OR3A2: variants seen among roughly 807,000 people sequenced by gnomAD.
OR3A2 encodes the protein olfactory receptor 3A2.
For synonymous variants in OR3A2, 126 were observed against 159.3 expected, an observed-to-expected ratio of 0.79 and a Z score of 1.57; for missense variants, 318 against 392.8, an observed-to-expected ratio of 0.81 and a Z score of 1.61.
chr17:3,327,422 A>T, intron 3 of OR3A2, among the ~76,000 whole-genome samples: 1 of 112,344 alleles, frequency 8.9e-6, no homozygotes, highest in African/African-American at 4.0e-5. Flanking sequence ...TTTCTTGTAA[A>T]TTAGTTTGAG....
At chr17:3,326,120 T>G (rs1297371688) in intron 3 of OR3A2, among the ~76,000 whole-genome samples, 1 of 152,158 alleles carries the variant, frequency 6.6e-6, no homozygotes, top group Non-Finnish European at 1.5e-5. Context: ...GGACAGGATC[T>G]CATTCATTTC....
rs537299291 is a variant in OR3A2 at position 3,334,816 on chromosome 17, G to A, written c.-85+1217C>T. On this transcript the variant is annotated intron_variant, in intron 3 of 4. Coordinates refer to the OR3A2 transcript ENST00000573491. Reference sequence around the variant, plus strand: ...GTGTCATAGGCTTTTAAAAATTAGAGTTTCTGCCTTTTTAATAAGTCTAAT... The same window carrying A: ...GTGTCATAGGCTTTTAAAAATTAGAATTTCTGCCTTTTTAATAAGTCTAAT... 7.2e-5 allele frequency among the ~76,000 whole-genome samples: 11 copies of A among 152,284 alleles called. No homozygotes were observed. In the South Asian group the frequency reaches 2.3e-3, roughly 32 times the overall value.
At position 3,354,156 on chromosome 17, in the gene OR3A2, G is replaced by A. The variant is rs550716547; in HGVS notation, c.-178-18030C>T. On this transcript the variant is annotated intron_variant, in intron 2 of 4. Coordinates refer to the OR3A2 transcript ENST00000573491. Reference sequence around the variant, plus strand: ...TGTAGTTGTTGTTGTTGTTTTTAATGTGTCTGTGTCTGTTTTTGGTATCAG... The same window carrying A: ...TGTAGTTGTTGTTGTTGTTTTTAATATGTCTGTGTCTGTTTTTGGTATCAG... Among the ~76,000 whole-genome samples the A allele has an allele frequency of 2.0e-4, 31 of 151,680 alleles. No homozygotes were observed. The South Asian group carries it at 6.4e-3, about 31-fold the overall frequency.
Position 3,292,140 on chromosome 17 carries a change from A to G in OR3A2, c.-84-12987T>C, listed in dbSNP as rs781208430. The G allele has an allele frequency of 6.8e-6, 11 of 1,614,168 alleles. No homozygotes were observed. The highest frequency in any genetic ancestry group is 1.7e-4 in the Middle Eastern group (1 of 6,060). ...GAAAGCACAAGCCCAGGACGCAGCC[A>G]CCAACATCCTCTGGACTGTCTGACT... On this transcript the variant is annotated intron_variant, in intron 3 of 4. Transcript: ENST00000573491.
chr17:3,281,296 C>T (rs1037973979), intron 1 of OR3A2, among the ~76,000 whole-genome samples: 9 of 150,624 alleles, frequency 6.0e-5, no homozygotes, highest in Admixed American at 1.3e-4. Context: ...TGCAGTGGCA[C>T]GATCTCGGCT....
At position 3,296,340 on chromosome 17, in the gene OR3A2, G is replaced by A. The variant is rs189481322; in HGVS notation, c.-84-17187C>T. Among the ~76,000 whole-genome samples, 47 of 152,206 alleles carry A rather than the reference G, an allele frequency of 3.1e-4. 1 individual carries two copies. Among genetic ancestry groups the A allele is most frequent in the Admixed American group, 2.5e-3 (38 of 15,286 alleles). On this transcript the variant is annotated intron_variant, in intron 3 of 4. Coordinates refer to the OR3A2 transcript ENST00000573491. ...ATTTTAAAAAATGGATTAAATCAGT[G>A]TTCAGAAAAGAATTCGTAGCCTTAA...
chr17:3,330,804 T>C (rs1333955715), intron 3 of OR3A2, among the ~76,000 whole-genome samples: 1 of 152,120 alleles, frequency 6.6e-6, no homozygotes, highest in Non-Finnish European at 1.5e-5. Context: ...TTTCTTCCTA[T>C]TCTCGATGGT....
At chr17:3,292,756 G>T (rs1193742002) in intron 3 of OR3A2, among the ~76,000 whole-genome samples, 4 of 151,982 alleles carry the variant, frequency 2.6e-5, no homozygotes, top group Non-Finnish European at 5.9e-5. Context: ...TTACTCTGTC[G>T]CTACATTTAC....
intron 2 of OR3A2, among the ~76,000 whole-genome samples, chr17:3,364,984 T>C (rs1458809977): frequency 6.6e-6 from 1 of 150,586 alleles, no homozygotes; most frequent in South Asian, 2.1e-4. Flanking sequence ...TTATTACACA[T>C]AGAGAATGCT....
rs759784318 is a variant in OR3A2, at chr17:3,311,394, C to T, written c.-85+24639G>A. ...CTATCTGTCAGCTTCTCACCAACAG[C>T]ACTCGCATGAGCTGTGAAGTCCAGG... On this transcript the variant is annotated intron_variant, in intron 3 of 4. Transcript: ENST00000573491. The surrounding 1 kb of genome is among the most constrained non-coding windows in gnomAD (Gnocchi z 4.6). The T allele has an allele frequency of 1.9e-6, 1 of 512,822 alleles. No homozygotes were observed. Among genetic ancestry groups the T allele is most frequent in the South Asian group, 1.5e-5 (1 of 68,174 alleles). The allele number at this position is 512,822 out of a possible 1,614,324, so 31.8% of individuals were successfully genotyped here. A position where few individuals can be genotyped will look rare whatever the true frequency, so the allele number is the denominator to read the frequency against.
intron 3 of OR3A2, chr17:3,291,087 CCT>C (rs942252169): frequency 6.6e-6 from 1 of 152,306 alleles, no homozygotes; most frequent in African/African-American, 2.4e-5. Context: ...CCCTCTGTCC[CCT>C]GTCTATGCTA....
chr17:3,341,271 A>AG (rs1209941544), intron 2 of OR3A2, among the ~76,000 whole-genome samples: 6 of 95,302 alleles, frequency 6.3e-5, no homozygotes, highest in Non-Finnish European at 1.2e-4. Context: ...TTTACATTTA[A>AG]GGTTAATGTT....
chr17:3,372,091 C>T (rs1474628313), intron 2 of OR3A2, among the ~76,000 whole-genome samples: 1 of 147,070 alleles, frequency 6.8e-6, no homozygotes, highest in East Asian at 2.2e-4. Context: ...GGCGGAGGGT[C>T]TCCTCTCTTC....
intron 2 of OR3A2, among the ~76,000 whole-genome samples, chr17:3,352,468 C>G (rs1391921697): frequency 6.6e-6 from 1 of 151,800 alleles, no homozygotes; most frequent in Non-Finnish European, 1.5e-5. Flanking sequence ...ATTCTTCTGA[C>G]TATGGATATC....
intron 3 of OR3A2, among the ~76,000 whole-genome samples, chr17:3,304,292 C>T (rs2048986389): frequency 6.6e-6 from 1 of 152,162 alleles, no homozygotes; most frequent in South Asian, 2.1e-4. Context: ...GAAGACCCAC[C>T]TGCAGGACTC....
rs754811435 is a variant in OR3A2 at position 3,292,208 on chromosome 17, T to C, written c.-84-13055A>G. 17 of 1,613,940 alleles carry C rather than the reference T, an allele frequency of 1.1e-5. No homozygotes were observed. In the East Asian group the frequency reaches 2.9e-4, roughly 28 times the overall value. ...TGAGGGGCCGGCAGATGGCCAGGAA[T>C]CGGTCATAGGCCATGGCGGTCAGCA... On this transcript the variant is annotated intron_variant, in intron 3 of 4. Transcript: ENST00000573491.
intron 3 of OR3A2, chr17:3,310,705 C>T (rs150170954): frequency 1.7e-4 from 95 of 545,510 alleles, no homozygotes; most frequent in Admixed American, 2.1e-4. Flanking sequence ...ATCTGCCAGT[C>T]CCTCACCTAC....
At chr17:3,365,567 T>C (rs1032727831) in intron 2 of OR3A2, among the ~76,000 whole-genome samples, 1 of 152,180 alleles carries the variant, frequency 6.6e-6, no homozygotes. Flanking sequence ...AATCATGCCA[T>C]GTGCTCATAT....
intron 2 of OR3A2, among the ~76,000 whole-genome samples, chr17:3,354,948 A>T (rs866832080): frequency 5.3e-5 from 8 of 151,194 alleles, no homozygotes; most frequent in African/African-American, 2.0e-4. Flanking sequence ...AGGTTTTGGT[A>T]TGTTGTGTTT....
Sources: gnomAD v4.1 joint callset for allele counts (sites outside exome capture counted in the v4.1 genomes callset) on GRCh38, gnomAD v4.1.1 for gene constraint, Gnocchi (gnomAD v3.1) non-coding constraint, MANE v1.5 for transcripts, NCBI Gene and HGNC (gene_info 2026-07-23, HGNC 2026-07-21) for gene names.